Variants in MED12L observed in about 807,000 individuals in gnomAD.
MED12L encodes mediator of RNA polymerase II transcription subunit 12-like protein.
A neutral mutation model predicts 281.3 loss-of-function variants in MED12L; 60 were observed. The observed-to-expected ratio is 0.21, with a 90% CI of 0.17 to 0.26. The LOEUF (loss-of-function observed/expected upper bound fraction) is 0.26, where lower values mean the gene tolerates loss of function less well. MED12L is among the 10% of genes least tolerant of loss of function. MED12L has a pLI of 1.00. For missense variants in MED12L, 2,146 were observed against 2,680.9 expected, an observed-to-expected ratio of 0.80 and a Z score of 4.41; for synonymous variants, 974 against 987.2, an observed-to-expected ratio of 0.99 and a Z score of 0.25.
intron 40 of MED12L, 112 bp downstream of exon 40, chr3:151,409,444 ACTT>A (rs1319239797): frequency 1.6e-5 from 13 of 828,038 alleles, no homozygotes; most frequent in African/African-American, 1.4e-4. Context: ...GAACTTGATT[ACTT>A]CTTCTACTTA....
chr3:151,414,945 T>C (rs1030593343), intron 42 of MED12L, among the ~76,000 whole-genome samples: 2 of 152,354 alleles, frequency 1.3e-5, no homozygotes, highest in East Asian at 1.9e-4. Context: ...ATTAATGTTA[T>C]GACTATTATC....
intron 16 of MED12L, among the ~76,000 whole-genome samples, chr3:151,260,869 C>T (rs145559288): frequency 1.2e-3 from 183 of 152,246 alleles, no homozygotes; most frequent in African/African-American, 4.1e-3. Flanking sequence ...AAAGCTGAGA[C>T]GTTTCCAGTA....
chr3:151,390,361 T>C (rs1442956522), intron 38 of MED12L, among the ~76,000 whole-genome samples: 1 of 152,250 alleles, frequency 6.6e-6, no homozygotes, highest in Non-Finnish European at 1.5e-5. Context: ...AAAAGGAAAT[T>C]AGCTAGTGAT....
intron 36 of MED12L, among the ~76,000 whole-genome samples, chr3:151,386,912 T>G (rs1232439917): frequency 1.3e-5 from 2 of 152,152 alleles, no homozygotes; most frequent in African/African-American, 4.8e-5. Context: ...TTTCACCATG[T>G]TGGCCAGGCT....
At chr3:151,210,341 G>A (rs1726970327) in intron 16 of MED12L, among the ~76,000 whole-genome samples, 1 of 152,192 alleles carries the variant, frequency 6.6e-6, no homozygotes, top group South Asian at 2.1e-4. Flanking sequence ...GAAAAGTTTT[G>A]CTTCTGTTTC....
At chr3:151,360,232 T>C (rs1322172920) in intron 20 of MED12L, among the ~76,000 whole-genome samples, 1 of 152,204 alleles carries the variant, frequency 6.6e-6, no homozygotes, top group Non-Finnish European at 1.5e-5. Flanking sequence ...TGAAGGAATT[T>C]CTTTCCTTGC....
Position 151,430,511 on chromosome 3 carries a change from G to A in MED12L, c.6490+131G>A, listed in dbSNP as rs1245669944. The A allele has an allele frequency of 2.9e-6, 4 of 1,361,590 alleles. No individual in the cohort carries two copies. In the African/African-American group the frequency reaches 4.3e-5, roughly 15 times the overall value. The allele number at this position is 1,361,590 out of a possible 1,614,324, so 84.3% of individuals were successfully genotyped here. On this transcript the variant is annotated intron_variant, in intron 44 of 44. Transcript: ENST00000687756. ...TACAATGTTCATGTTATTTGGTTTA[G>A]CCCAAGGTATTTTCATTCTGTCTTC...
intron 40 of MED12L, among the ~76,000 whole-genome samples, chr3:151,410,572 T>C (rs1716824054): frequency 1.3e-5 from 2 of 152,246 alleles, no homozygotes. Context: ...CCAACAGAAC[T>C]TCAGGTTTCT....
At chr3:151,121,125 T>C (rs557530800) in intron 3 of MED12L, among the ~76,000 whole-genome samples, 15 of 152,244 alleles carry the variant, frequency 9.9e-5, no homozygotes, top group Non-Finnish European at 1.9e-4. Context: ...AGGTGTTTTG[T>C]GCTCTTGGTG....
At chr3:151,176,520 C>G (rs757251313) in intron 11 of MED12L, among the ~76,000 whole-genome samples, 3 of 148,836 alleles carry the variant, frequency 2.0e-5, no homozygotes, top group Non-Finnish European at 4.5e-5. Context: ...GATTTTTTTT[C>G]TTTTACTGCT....
At chr3:151,216,662 C>G (rs527924070) in intron 16 of MED12L, among the ~76,000 whole-genome samples, 1 of 152,210 alleles carries the variant, frequency 6.6e-6, no homozygotes, top group Non-Finnish European at 1.5e-5. Flanking sequence ...TAGCACTATT[C>G]TTCCTCTTCC....
chr3:151,281,001 A>G (rs1400024972), intron 16 of MED12L, among the ~76,000 whole-genome samples: 1 of 152,142 alleles, frequency 6.6e-6, no homozygotes, highest in African/African-American at 2.4e-5. Context: ...TAGCTTGTAC[A>G]CATTTTCCTT....
rs560360335 is a variant in MED12L at position 151,131,382 on chromosome 3, C to T, written c.556+3398C>T. 5.3e-5 allele frequency among the ~76,000 whole-genome samples: 8 copies of T among 152,296 alleles called. No individual in the cohort carries two copies. In the South Asian group the frequency reaches 1.7e-3, roughly 32 times the overall value. Reference sequence around the variant, plus strand: ...TTGGGAGAACAGGGCAGGAAGATCGCTTGAGCCCAGAAGTTTAAGACCAAT... The same window carrying T: ...TTGGGAGAACAGGGCAGGAAGATCGTTTGAGCCCAGAAGTTTAAGACCAAT... On this transcript the variant is annotated intron_variant, in intron 5 of 44. Coordinates refer to ENST00000687756, the MANE Select transcript of MED12L (RefSeq NM_001393769.1).
chr3:151,178,196 T>C (rs1356888627), intron 11 of MED12L, among the ~76,000 whole-genome samples: 2 of 119,004 alleles, frequency 1.7e-5, no homozygotes, highest in South Asian at 3.1e-4. Flanking sequence ...AAAGTGCCAA[T>C]ATGAAAAGCT....
chr3:151,273,348 C>T (rs1295008091), intron 16 of MED12L, among the ~76,000 whole-genome samples: 1 of 150,384 alleles, frequency 6.6e-6, no homozygotes, highest in Admixed American at 6.6e-5. Flanking sequence ...CTGCCTCAGC[C>T]TCCTGAGTAG....
At chr3:151,253,391 A>C (rs1279872085) in intron 16 of MED12L, among the ~76,000 whole-genome samples, 3 of 152,222 alleles carry the variant, frequency 2.0e-5, no homozygotes, top group Non-Finnish European at 4.4e-5. Context: ...TACACATTTT[A>C]ATATGGCTTA....
intron 14 of MED12L, among the ~76,000 whole-genome samples, chr3:151,191,283 C>T (rs1723950740): frequency 6.6e-6 from 1 of 152,176 alleles, no homozygotes. Context: ...TAAGTGTCAG[C>T]TGAGTTTTCA....
chr3:151,276,215 AC>A (rs1741828840), intron 16 of MED12L, among the ~76,000 whole-genome samples: 1 of 152,148 alleles, frequency 6.6e-6, no homozygotes, highest in Non-Finnish European at 1.5e-5. Context: ...GCTGGGCTCC[AC>A]CCCCATTGTT....
chr3:151,365,179 T>C lies in MED12L; in HGVS notation c.3158T>C (p.Val1053Ala). 6.2e-7 allele frequency: 1 copy of C among 1,613,998 alleles called. No individual in the cohort carries two copies. The highest frequency in any genetic ancestry group is 8.5e-7 in the Non-Finnish European group (1 of 1,179,886). The change falls in exon 22 of 45, where the codon GTA (valine) becomes GCA (alanine). Residue 1053 changes from valine to alanine, a missense_variant. By Grantham distance (64) the Val-to-Ala change is moderately conservative (BLOSUM62 0). Transcript: ENST00000687756. Reference sequence around the variant, plus strand: ...TTTGTCTGCAATACACTCATGAATGTATGTATGGGCCATCAGGATGCTGGC... The same window carrying C: ...TTTGTCTGCAATACACTCATGAATGCATGTATGGGCCATCAGGATGCTGGC... ...YSFVCNTLMN[V>A]CMGHQDAGRI...
Sources: allele counts gnomAD v4.1 joint callset (sites outside exome capture counted in the v4.1 genomes callset), GRCh38; gene constraint gnomAD v4.1.1; transcripts MANE v1.5; gene names NCBI Gene and HGNC (gene_info 2026-07-23, HGNC 2026-07-21).